Variants in AIPL1 observed in about 807,000 individuals in gnomAD.
AIPL1 encodes the protein aryl-hydrocarbon-interacting protein-like 1.
Under a neutral mutation model 32.9 loss-of-function variants are expected in AIPL1, and 23 were observed. The observed-to-expected ratio is 0.70, with a 90% CI of 0.50 to 0.99. The LOEUF is 0.99. Among genes scored for constraint, AIPL1 ranks in the 50% least tolerant of loss-of-function variants. AIPL1 has a pLI of 0.00. For missense variants in AIPL1, 485 were observed against 506.0 expected, an observed-to-expected ratio of 0.96 and a Z score of 0.40; for synonymous variants, 210 against 209.4, an observed-to-expected ratio of 1.00 and a Z score of -0.02.
chr17:6,431,322 G>A (rs1380318736), intron 2 of AIPL1, among the ~76,000 whole-genome samples: 1 of 151,830 alleles, frequency 6.6e-6, no homozygotes, highest in African/African-American at 2.4e-5. Context: ...AGGTGTGGTG[G>A]CAGGCACCTG....
At chr17:6,431,470 A>T (rs973169209) in intron 2 of AIPL1, among the ~76,000 whole-genome samples, 1 of 152,050 alleles carries the variant, frequency 6.6e-6, no homozygotes, top group Non-Finnish European at 1.5e-5. Flanking sequence ...AAAAAAAAAA[A>T]TTCTAGCTCA....
In AIPL1 at chr17:6,432,266, G is replaced by A. The variant is rs535536849; in HGVS notation, c.276+1653C>T. Among the ~76,000 whole-genome samples the A allele has an allele frequency of 3.3e-4, 50 of 151,808 alleles. 1 individual carries two copies. Among genetic ancestry groups the A allele is most frequent in the African/African-American group, 7.7e-4 (32 of 41,422 alleles). ...GGCGTGGTGGCGGGCACCTGTAGTC[G>A]TGGGAGGCTGAGGCAGGAGAATCAC... On this transcript the variant is annotated intron_variant, in intron 2 of 5. Transcript: ENST00000381129.
At position 6,426,662 on chromosome 17, in the gene AIPL1, T is replaced by G. The variant is rs138585919; in HGVS notation, c.737A>C (p.Tyr246Ser). The G allele has an allele frequency of 1.8e-4, 286 of 1,614,074 alleles. No individual in the cohort carries two copies. The highest frequency in any genetic ancestry group is 1.4e-4 in the Non-Finnish European group (171 of 1,180,040). The change falls in exon 5 of 6, where the codon TAC (tyrosine) becomes TCC (serine). Residue 246 changes from tyrosine (Y) to serine (S), a missense_variant. Transcript: ENST00000381129. ...ACTGGTGTGCTCCAGCACCTCATAG[T>G]ACTCCTCCTTCTTCAGCAGGCACTG... ...YCQCLLKKEEYYEVLEHTSDI... is the reference protein window; with the variant it reads ...YCQCLLKKEESYEVLEHTSDI...
At chr17:6,433,739 C>T (rs1284827666) in intron 2 of AIPL1, among the ~76,000 whole-genome samples, 180 bp downstream of exon 2, 1 of 152,150 alleles carries the variant, frequency 6.6e-6, no homozygotes, top group African/African-American at 2.4e-5. Flanking sequence ...ATGGGTCACC[C>T]CTTCCAGCCC....
rs34593943 is a variant in AIPL1, at chr17:6,430,044, GGTGTGTGTGTGTGTGTGTGT to G, written c.277-1558_277-1539del. On this transcript the variant is annotated intron_variant, in intron 2 of 5. Transcript: ENST00000381129. ...CAGGTGAAGAACTAACTCTAGAAGG[GGTGTGTGTGTGTGTGTGTGT>G]GTGTGTGTGTGTGTGTGTGTGTGCA... Among the ~76,000 whole-genome samples, 482 of 144,916 alleles carry G rather than the reference GGTGTGTGTGTGTGTGTGTGT, an allele frequency of 3.3e-3. 4 individuals are homozygous for G. The highest frequency in any genetic ancestry group is 0.012 in the African/African-American group (467 of 38,478).
chr17:6,428,545 G>T (rs375803337), intron 2 of AIPL1, 39 bp from the exon 3 acceptor site: 12 of 1,601,192 alleles, frequency 7.5e-6, no homozygotes, highest in African/African-American at 1.3e-5. Flanking sequence ...CAGGCTACCT[G>T]CCCAGAGCTA....
In AIPL1 at chr17:6,434,994, A is replaced by T. The variant is rs1189742015; in HGVS notation, c.96+15T>A. 1.9e-6 allele frequency: 3 copies of T among 1,614,026 alleles called. No individual in the cohort carries two copies. In the East Asian group the frequency reaches 6.7e-5, roughly 36 times the overall value. On this transcript the variant is annotated intron_variant, in intron 1 of 5. Transcript: ENST00000381129. ...CTGTGGGGGACCCTGTCTGCTCCGG[A>T]GGGGCCCCACTCACTCGGGATCCGG...
chr17:6,431,422 C>T (rs910729883), intron 2 of AIPL1, among the ~76,000 whole-genome samples: 1 of 151,722 alleles, frequency 6.6e-6, no homozygotes, highest in African/African-American at 2.4e-5. Flanking sequence ...TGCCAGTACA[C>T]TCCAGCCTGG....
chr17:6,426,572 G>C, intron 5 of AIPL1, 43 bp downstream of exon 5: 1 of 1,601,784 alleles, frequency 6.2e-7, no homozygotes, highest in East Asian at 2.2e-5. Context: ...CGTGGCCCTG[G>C]GCTGGGCGCC....
At chr17:6,427,425 G>A (rs891505231) in intron 3 of AIPL1, among the ~76,000 whole-genome samples, 2 of 152,264 alleles carry the variant, frequency 1.3e-5, no homozygotes, top group African/African-American at 4.8e-5. Context: ...CTTGTGCAGT[G>A]CACAGACCAC....
chr17:6,425,492 G>T lies in AIPL1; in HGVS notation c.1123C>A (p.Pro375Thr). 2 of 1,606,312 alleles carry T rather than the reference G, an allele frequency of 1.2e-6. No individual in the cohort carries two copies. Among genetic ancestry groups the T allele is most frequent in the Admixed American group, 3.3e-5 (2 of 59,970 alleles). Residue 375 changes from proline to threonine, a missense_variant, in exon 6 of 6, where the codon CCC becomes ACC. Physicochemically the swap from Pro to Thr is conservative, Grantham distance 38 (BLOSUM62 -1). Transcript: ENST00000381129. ...GPPAEPATEP[P>T]PSPGHSLQH is the part of the protein sequence containing the mutation. ...TGCAGCGAGTGCCCTGGGGACGGGGGTGGCTCTGTGGCTGGCTCTGCAGGG... is the reference window on the plus strand; with the variant it reads ...TGCAGCGAGTGCCCTGGGGACGGGGTTGGCTCTGTGGCTGGCTCTGCAGGG...
chr17:6,429,840 A>G (rs530033214), intron 2 of AIPL1, among the ~76,000 whole-genome samples: 2 of 148,490 alleles, frequency 1.3e-5, no homozygotes, highest in African/African-American at 5.1e-5. Context: ...AGATAGATAG[A>G]TAGATAGATA....
In AIPL1 at chr17:6,425,301, G is replaced by C. The variant is rs533934304; in HGVS notation, c.*159C>G. The C allele has an allele frequency of 7.4e-5, 65 of 875,574 alleles. No homozygotes were observed. The South Asian group carries it at 1.3e-3, about 17-fold the overall frequency. The allele number at this position is 875,574 out of a possible 1,614,324, so 54.2% of individuals were successfully genotyped here. A position where few individuals can be genotyped will look rare whatever the true frequency, so the allele number is the denominator to read the frequency against. ...TATTCATAAGCTCTTCTGTACCCTTGGGATTGTTTTTTTTTTTTTTTTTAC... is the reference window on the plus strand; with the variant it reads ...TATTCATAAGCTCTTCTGTACCCTTCGGATTGTTTTTTTTTTTTTTTTTAC... On this transcript the variant is annotated 3_prime_UTR_variant, in exon 6 of 6. Transcript: ENST00000381129.
chr17:6,425,188 T>C lies in AIPL1; in HGVS notation c.*272A>G, dbSNP rs1911777285. ...CTGATTTAAACAGATTACTTGGAAATAGAGAAAACTACCAGAAGAATTAAA... is the reference window on the plus strand; with the variant it reads ...CTGATTTAAACAGATTACTTGGAAACAGAGAAAACTACCAGAAGAATTAAA... On this transcript the variant is annotated 3_prime_UTR_variant, in exon 6 of 6. Coordinates refer to ENST00000381129, the MANE Select transcript of AIPL1 (RefSeq NM_014336.5). 3 of 374,998 alleles carry C rather than the reference T, an allele frequency of 8.0e-6. No homozygotes were observed. Among genetic ancestry groups the C allele is most frequent in the Non-Finnish European group, 4.7e-6 (1 of 210,676 alleles). The allele number at this position is 374,998 out of a possible 1,614,324, so 23.2% of individuals were successfully genotyped here. A position where few individuals can be genotyped will look rare whatever the true frequency, so the allele number is the denominator to read the frequency against.
intron 2 of AIPL1, among the ~76,000 whole-genome samples, chr17:6,431,364 G>A (rs952292625): frequency 2.0e-5 from 3 of 151,796 alleles, no homozygotes; most frequent in African/African-American, 7.3e-5. Context: ...GCTGAAGCAG[G>A]AGAATCATTT....
At chr17:6,429,346 T>C (rs1912323321) in intron 2 of AIPL1, among the ~76,000 whole-genome samples, 1 of 152,206 alleles carries the variant, frequency 6.6e-6, no homozygotes, top group Non-Finnish European at 1.5e-5. Context: ...GCTGAAACTC[T>C]ATGCAGCAGT....
intron 3 of AIPL1, 28 bp from the exon 4 acceptor site, chr17:6,427,085 G>A (rs779521219): frequency 1.2e-6 from 2 of 1,613,256 alleles, no homozygotes; most frequent in Non-Finnish European, 1.7e-6. Context: ...GGTCAGTGAG[G>A]CAGGGACCCC....
chr17:6,429,861 TA>T (rs1567640490), intron 2 of AIPL1, among the ~76,000 whole-genome samples: 1 of 148,538 alleles, frequency 6.7e-6, no homozygotes, highest in Non-Finnish European at 1.5e-5. Flanking sequence ...GATAGATAGA[TA>T]GATAGATAAT....
At chr17:6,430,146 C>T (rs1406671195) in intron 2 of AIPL1, among the ~76,000 whole-genome samples, 2 of 151,198 alleles carry the variant, frequency 1.3e-5, no homozygotes. Context: ...ATGTGCGGGG[C>T]ATGGAGATTA....
Sources: allele counts gnomAD v4.1 joint callset (sites outside exome capture counted in the v4.1 genomes callset), GRCh38; gene constraint gnomAD v4.1.1; transcripts MANE v1.5; gene names NCBI Gene and HGNC (gene_info 2026-07-23, HGNC 2026-07-21).